The following TBXAS1 variants were observed in gnomAD, a reference collection of about 807,000 sequenced individuals.
TBXAS1 encodes the protein thromboxane A synthase 1.
In TBXAS1, 48 loss-of-function variants were observed where a neutral mutation model predicts 60.7. That is an observed-to-expected ratio of 0.79 (90% CI 0.63 to 1.01). The LOEUF (loss-of-function observed/expected upper bound fraction) is 1.01. Among genes scored for constraint, TBXAS1 ranks in the 50% least tolerant of loss-of-function variants. The pLI is 0.00. For missense variants in TBXAS1, 685 were observed against 686.3 expected (o/e 1.00, Z 0.02); for synonymous variants, 287 against 269.7 (o/e 1.06, Z -0.63).
intron 3 of TBXAS1, among the ~76,000 whole-genome samples, chr7:139,898,823 G>T (rs772673846): frequency 3.3e-5 from 5 of 152,204 alleles, no homozygotes; most frequent in East Asian, 1.9e-4. Flanking sequence ...CCTCATAACG[G>T]TCTCTTTAAT....
At chr7:139,951,042 C>T (rs1487335312) in intron 5 of TBXAS1, among the ~76,000 whole-genome samples, 2 of 152,150 alleles carry the variant, frequency 1.3e-5, no homozygotes, top group African/African-American at 4.8e-5. Context: ...CAATAGCCGG[C>T]CAGCTGTCCC....
intron 5 of TBXAS1, among the ~76,000 whole-genome samples, chr7:139,942,381 T>C (rs771266716): frequency 2.0e-5 from 3 of 152,246 alleles, no homozygotes; most frequent in Non-Finnish European, 4.4e-5. Flanking sequence ...GAACGTGGGT[T>C]GTTAACTTCC....
chr7:139,973,320 C>T (rs1313432627), intron 9 of TBXAS1, among the ~76,000 whole-genome samples: 2 of 152,196 alleles, frequency 1.3e-5, no homozygotes, highest in African/African-American at 4.8e-5. Flanking sequence ...TGAGCACCTA[C>T]TAAATCAGCA....
At chr7:139,874,972 G>A (rs1189183876) in intron 2 of TBXAS1, among the ~76,000 whole-genome samples, 1 of 152,146 alleles carries the variant, frequency 6.6e-6, no homozygotes, top group Non-Finnish European at 1.5e-5. Flanking sequence ...GCACATGCCT[G>A]TAATCCCAGC....
intron 5 of TBXAS1, among the ~76,000 whole-genome samples, chr7:139,945,875 T>C (rs1569517419): frequency 6.6e-6 from 1 of 152,218 alleles, no homozygotes; most frequent in Admixed American, 6.5e-5. Context: ...TGGTCTCATC[T>C]GAAGGCTTGA....
rs1287246023 is a variant in TBXAS1, at chr7:139,872,443, T to C, written c.183+115T>C. ...GCCGAAGCGTGTGGATCACCTGAGG[T>C]CAGGAGTTCGAGACCAGCCTGACCA... is the stretch of plus-strand genomic sequence containing the variant. On this transcript the variant is annotated intron_variant, in intron 2 of 12. Transcript: ENST00000448866. The C allele has an allele frequency of 3.0e-6, 3 of 1,014,944 alleles. No individual in the cohort carries two copies. In the East Asian group the frequency reaches 8.5e-5, roughly 29 times the overall value. 62.9% of individuals were successfully genotyped at this position (1,014,944 alleles called of 1,614,324 possible). A position where few individuals can be genotyped will look rare whatever the true frequency, so the allele number is the denominator to read the frequency against.
At chr7:139,959,453 C>T (rs921418573) in intron 8 of TBXAS1, among the ~76,000 whole-genome samples, 1 of 152,156 alleles carries the variant, frequency 6.6e-6, no homozygotes, top group Non-Finnish European at 1.5e-5. Flanking sequence ...AAACCAGCAC[C>T]GTTTCAGTCC....
At chr7:139,811,232 C>T (rs1798016043) in intron 4 of TBXAS1, among the ~76,000 whole-genome samples, 1 of 152,218 alleles carries the variant, frequency 6.6e-6, no homozygotes, top group Non-Finnish European at 1.5e-5. Context: ...ATACTCTGCA[C>T]ATACAGTCAC....
At chr7:139,816,246 A>T (rs2116422578) in intron 4 of TBXAS1, among the ~76,000 whole-genome samples, 1 of 152,262 alleles carries the variant, frequency 6.6e-6, no homozygotes, top group Admixed American at 6.5e-5. Context: ...TTTGTTTATA[A>T]ATTACCCAGT....
At chr7:139,878,209 AAG>A (rs1388979368) in intron 3 of TBXAS1, among the ~76,000 whole-genome samples, 2 of 114,716 alleles carry the variant, frequency 1.7e-5, no homozygotes, top group East Asian at 4.9e-4. Flanking sequence ...AAGAGATAGA[AAG>A]AGATAGAGAG....
chr7:139,901,326 CAAA>C (rs8192825), intron 3 of TBXAS1, among the ~76,000 whole-genome samples: 1 of 123,274 alleles, frequency 8.1e-6, no homozygotes, highest in African/African-American at 2.9e-5. Context: ...AATATTACTA[CAAA>C]AAAAAAAAAA....
rs779581959 is a variant in TBXAS1, at chr7:139,952,199, GAGA to G, written c.451-1166_451-1164del. On this transcript the variant is annotated intron_variant, in intron 5 of 12. Coordinates refer to ENST00000448866, the MANE Select transcript of TBXAS1 (RefSeq NM_001061.7). ...GCCTCAGTACAACAACATACCTTCT[GAGA>G]AGCAGATTAACTTTATAACTTTTCC... is the stretch of plus-strand genomic sequence containing the variant. Among the ~76,000 whole-genome samples, 18 of 152,310 alleles carry G rather than the reference GAGA, an allele frequency of 1.2e-4. 1 individual carries two copies. In the East Asian group the frequency reaches 1.7e-3, roughly 15 times the overall value.
At chr7:139,818,583 TC>T (rs552168457) in intron 4 of TBXAS1, among the ~76,000 whole-genome samples, 343 of 152,224 alleles carry the variant, frequency 2.3e-3, no homozygotes, top group African/African-American at 8.0e-3. Flanking sequence ...GCTGACATAT[TC>T]CCTTGGAGGC....
At chr7:139,824,676 A>T (rs946678778), upstream of TBXAS1, among the ~76,000 whole-genome samples, 2 of 152,164 alleles carry the variant, frequency 1.3e-5, no homozygotes, top group Admixed American at 6.5e-5. Flanking sequence ...AAAAACTAAA[A>T]ATATACATAT....
At chr7:139,883,277 T>C (rs1467914962) in intron 3 of TBXAS1, among the ~76,000 whole-genome samples, 1 of 152,228 alleles carries the variant, frequency 6.6e-6, no homozygotes, top group African/African-American at 2.4e-5. Context: ...TTATACCAAA[T>C]AGTGTATTGC....
chr7:139,782,821 G>C (rs973694982), intron 3 of TBXAS1: 1 of 152,136 alleles, frequency 6.6e-6, no homozygotes, highest in Non-Finnish European at 1.5e-5. Context: ...CTGACTGTGT[G>C]TCTAATTTTC....
chr7:139,841,970 G>A (rs1799480060), intron 1 of TBXAS1, among the ~76,000 whole-genome samples: 1 of 152,096 alleles, frequency 6.6e-6, no homozygotes, highest in African/African-American at 2.4e-5. Context: ...TTAAAAAACA[G>A]TCCATATTTT....
intron 3 of TBXAS1, among the ~76,000 whole-genome samples, chr7:139,884,357 A>T (rs1369258123): frequency 6.6e-6 from 1 of 152,248 alleles, no homozygotes; most frequent in East Asian, 1.9e-4. Context: ...ACCATTTAAG[A>T]CATCTCTCTG....
intron 4 of TBXAS1, among the ~76,000 whole-genome samples, chr7:139,922,310 C>T (rs2117110285): frequency 6.6e-6 from 1 of 152,140 alleles, no homozygotes; most frequent in African/African-American, 2.4e-5. Flanking sequence ...GCATGTTGGT[C>T]AGGTTGGTCT....
Sources: gnomAD v4.1 joint callset for allele counts (sites outside exome capture counted in the v4.1 genomes callset) on GRCh38, gnomAD v4.1.1 for gene constraint, MANE v1.5 for transcripts, NCBI Gene and HGNC (gene_info 2026-07-23, HGNC 2026-07-21) for gene names.